Variants in CELF2 observed in about 807,000 individuals in gnomAD.
CELF2 encodes CUGBP Elav-like family member 2.
Under a neutral mutation model 62.6 loss-of-function variants are expected in CELF2, and 8 were observed. That is an observed-to-expected ratio of 0.13 (90% CI 0.07 to 0.23). The LOEUF is 0.23. CELF2 is among the 10% of genes least tolerant of loss of function. The probability of loss-of-function intolerance (pLI) is 1.00; values close to 1 mark genes in which losing one functional copy is unlikely to be tolerated. For synonymous variants in CELF2, 258 were observed against 250.0 expected, an observed-to-expected ratio of 1.03 and a Z score of -0.30; for missense variants, 333 against 671.0, an observed-to-expected ratio of 0.50 and a Z score of 5.56.
chr10:10,741,058 C>T, the CELF2 span, among the ~76,000 whole-genome samples: 2 of 151,936 alleles, frequency 1.3e-5, no homozygotes, highest in African/African-American at 4.8e-5. Flanking sequence ...TAATAATTTG[C>T]TAAGAAACTA....
intron 1 of CELF2, among the ~76,000 whole-genome samples, chr10:10,849,251 A>G (rs562537809): frequency 8.6e-5 from 13 of 151,816 alleles, no homozygotes; most frequent in African/African-American, 2.9e-4. Flanking sequence ...ACAAAAAAAA[A>G]AAAAACAAAT....
At chr10:10,701,176 G>A in the CELF2 span, among the ~76,000 whole-genome samples, 1 of 152,230 alleles carries the variant, frequency 6.6e-6, no homozygotes, top group Non-Finnish European at 1.5e-5. Context: ...GAGGCTGCAG[G>A]GAGCTGGGAG....
intron 1 of CELF2, among the ~76,000 whole-genome samples, chr10:10,910,983 G>A (rs957025130): frequency 1.3e-5 from 2 of 152,176 alleles, no homozygotes; most frequent in African/African-American, 2.4e-5. Context: ...TCTAACTGTG[G>A]TAGAATTACA....
intron 2 of CELF2, among the ~76,000 whole-genome samples, chr10:10,943,066 C>T (rs553209290): frequency 6.6e-6 from 1 of 152,196 alleles, no homozygotes; most frequent in African/African-American, 2.4e-5. Flanking sequence ...TGAAATGCAC[C>T]TGCTGCCTGT....
upstream of CELF2, among the ~76,000 whole-genome samples, chr10:11,004,422 C>CGTGT (rs10676789): frequency 6.0e-3 from 886 of 148,576 alleles, 10 homozygotes; most frequent in African/African-American, 0.019. This position sits in a 1 kb window ranked among gnomAD's most constrained non-coding sequence, Gnocchi z 5.0. Flanking sequence ...TGTGCGCGCG[C>CGTGT]GTGTGTGTGT....
intron 1 of CELF2, among the ~76,000 whole-genome samples, chr10:11,050,053 A>C (rs1223724672): frequency 6.6e-6 from 1 of 152,174 alleles, no homozygotes; most frequent in East Asian, 1.9e-4. Flanking sequence ...ATTTATGATA[A>C]ATAGTTTCAT....
the CELF2 span, among the ~76,000 whole-genome samples, chr10:10,684,005 C>A: frequency 2.0e-5 from 3 of 151,914 alleles, no homozygotes; most frequent in Non-Finnish European, 4.4e-5. Context: ...CTACTCCCAC[C>A]CACAGAAAAA....
the CELF2 span, among the ~76,000 whole-genome samples, chr10:10,737,778 A>G: frequency 1.3e-5 from 2 of 151,812 alleles, no homozygotes; most frequent in African/African-American, 4.8e-5. Flanking sequence ...TATTTTGACA[A>G]CCTCTGAGTC....
chr10:10,823,564 A>G (rs1325217118), intron 1 of CELF2, among the ~76,000 whole-genome samples: 2 of 135,390 alleles, frequency 1.5e-5, no homozygotes, highest in African/African-American at 5.7e-5. Context: ...GTATCTGTGT[A>G]TGCATGTTTT....
At chr10:10,774,784 G>A in the CELF2 span, among the ~76,000 whole-genome samples, 22 of 152,310 alleles carry the variant, frequency 1.4e-4, no homozygotes, top group African/African-American at 5.3e-4. Context: ...GAAGGGACCA[G>A]CGGGTTTAGG....
chr10:10,725,286 T>G, the CELF2 span, among the ~76,000 whole-genome samples: 2 of 152,248 alleles, frequency 1.3e-5, no homozygotes, highest in Non-Finnish European at 2.9e-5. Context: ...GTGTTCTTTC[T>G]GTCAAAGGAG....
the CELF2 span, among the ~76,000 whole-genome samples, chr10:10,555,436 C>T: frequency 0.14 from 20,687 of 152,030 alleles, 1,565 homozygotes; most frequent in East Asian, 0.23. Context: ...TTGGTAAAAA[C>T]GTGCCTGATG....
At chr10:10,513,841 C>G in the CELF2 span, among the ~76,000 whole-genome samples, 1 of 152,162 alleles carries the variant, frequency 6.6e-6, no homozygotes, top group Non-Finnish European at 1.5e-5. Context: ...CCTCTCTATG[C>G]AAAGTATAGA....
chr10:10,485,811 A>G, the CELF2 span, among the ~76,000 whole-genome samples: 1 of 152,330 alleles, frequency 6.6e-6, no homozygotes, highest in African/African-American at 2.4e-5. Context: ...AGTGCAAAAC[A>G]GAGCCCTACA....
At chr10:10,707,783 C>T in the CELF2 span, among the ~76,000 whole-genome samples, 1 of 152,106 alleles carries the variant, frequency 6.6e-6, no homozygotes, top group African/African-American at 2.4e-5. Context: ...ATCCTATAAA[C>T]TATAAACTGA....
chr10:11,142,921 G>T (rs1009404086), intron 1 of CELF2, among the ~76,000 whole-genome samples: 2 of 151,130 alleles, frequency 1.3e-5, no homozygotes, highest in Admixed American at 6.6e-5. Context: ...CTCCACTGGG[G>T]TTACTCAGTC....
the CELF2 span, among the ~76,000 whole-genome samples, chr10:10,590,565 C>G: frequency 6.6e-6 from 1 of 152,164 alleles, no homozygotes; most frequent in African/African-American, 2.4e-5. Context: ...CTTTCCTGCC[C>G]TTTACTACCA....
the CELF2 span, among the ~76,000 whole-genome samples, chr10:10,562,874 G>T: frequency 2.5e-4 from 36 of 141,502 alleles, no homozygotes; most frequent in African/African-American, 1.1e-3. Context: ...GGCTTGCCAT[G>T]GGGCAGTAAC....
rs145999991 is a variant in CELF2, at chr10:10,926,618, G to T, written c.89+6619G>T. Among the ~76,000 whole-genome samples the T allele has an allele frequency of 1.4e-4, 21 of 152,316 alleles. No homozygotes were observed. The South Asian group carries it at 2.5e-3, about 18-fold the overall frequency. Reference sequence around the variant, plus strand: ...TGCTCACAGCAACTCCAGCCGTCACGTGGGGACCATGTCCATCTTCTTCCA... The same window carrying T: ...TGCTCACAGCAACTCCAGCCGTCACTTGGGGACCATGTCCATCTTCTTCCA... On this transcript the variant is annotated intron_variant, in intron 2 of 13. Coordinates refer to the CELF2 transcript ENST00000636488.
Sources: gnomAD v4.1 joint callset for allele counts (sites outside exome capture counted in the v4.1 genomes callset) on GRCh38, gnomAD v4.1.1 for gene constraint, Gnocchi (gnomAD v3.1) non-coding constraint, MANE v1.5 for transcripts, NCBI Gene and HGNC (gene_info 2026-07-23, HGNC 2026-07-21) for gene names.